ZFP62: variants seen among roughly 807,000 people sequenced by gnomAD.
ZFP62 encodes the protein ZFP62 zinc finger protein.
A neutral mutation model predicts 56.4 loss-of-function variants in ZFP62; 44 were observed. The ratio of observed to expected loss-of-function variants is 0.78; its 90% CI spans 0.61 to 1.00. The LOEUF (loss-of-function observed/expected upper bound fraction) is 1.00. Ranked by LOEUF, ZFP62 falls within the 50% of genes least tolerant of loss-of-function variation. The pLI, the probability that ZFP62 is intolerant of heterozygous loss-of-function variation, is 0.00. For missense variants in ZFP62, 1,030 were observed against 1,085.7 expected (o/e 0.95, Z 0.72); for synonymous variants, 421 against 388.9 (o/e 1.08, Z -0.97).
the ZFP62 span, chr5:180,831,294 G>C: frequency 6.6e-6 from 1 of 152,418 alleles, no homozygotes; most frequent in Non-Finnish European, 1.5e-5. Flanking sequence ...CTCCGGCCCC[G>C]GCACGTCCCG....
rs1397529781 is a variant in ZFP62 at position 180,861,221 on chromosome 5, G to A, written c.-2C>T. 3 of 398,102 alleles carry A rather than the reference G, an allele frequency of 7.5e-6. No individual in the cohort carries two copies. The highest frequency in any genetic ancestry group is 6.2e-5 in the African/African-American group (3 of 48,610). 24.7% of individuals were successfully genotyped at this position (398,102 alleles called of 1,614,324 possible). ...CGGGCGGCCGCGGACTCACGTACTG[G>A]CTGTGGCGGCGCCGCGGGAACCCGG... On this transcript the variant is annotated splice_region_variant and 5_prime_UTR_variant, in exon 1 of 2. Coordinates refer to ENST00000502412, the MANE Select transcript of ZFP62 (RefSeq NM_001172638.2).
At chr5:180,837,209 T>C in the ZFP62 span, among the ~76,000 whole-genome samples, 2 of 152,226 alleles carry the variant, frequency 1.3e-5, 1 homozygote, top group Middle Eastern at 6.3e-3. Flanking sequence ...GAGACCACCG[T>C]GTGGCCCATC....
In ZFP62 at chr5:180,850,492, T is replaced by C. The variant is rs1225284245; in HGVS notation, c.1003A>G (p.Lys335Glu). Reference protein sequence around the residue: ...LNHKSIHFGDKPYKCDECEKS... With the variant: ...LNHKSIHFGDEPYKCDECEKS... ...TCACACTCATCACATTTATAGGGTT[T>C]ATCTCCAAAGTGGATGCTTTTATGG... The change falls in exon 2 of 2, where the codon AAA becomes GAA. Residue 335 changes from lysine to glutamate, a missense_variant. Lys to Glu is a moderately conservative substitution (Grantham distance 56). Transcript: ENST00000502412. 1 of 1,552,676 alleles carries C rather than the reference T, an allele frequency of 6.4e-7. No individual in the cohort carries two copies. Among genetic ancestry groups the C allele is most frequent in the Admixed American group, 2.0e-5 (1 of 51,024 alleles).
In ZFP62 at chr5:180,848,775, T is replaced by G; in HGVS notation, c.*17A>C. ...TTCTTCCATTTGAGTTCGGAGAGACTTGGTAAGCTCTGCCTGCTACAGAGG... is the reference window on the plus strand; with the variant it reads ...TTCTTCCATTTGAGTTCGGAGAGACGTGGTAAGCTCTGCCTGCTACAGAGG... On this transcript the variant is annotated 3_prime_UTR_variant, in exon 2 of 2. Transcript: ENST00000502412. 1 of 1,490,200 alleles carries G rather than the reference T, an allele frequency of 6.7e-7. No individual in the cohort carries two copies. The highest frequency in any genetic ancestry group is 8.9e-7 in the Non-Finnish European group (1 of 1,117,486). 92.3% of individuals were successfully genotyped at this position (1,490,200 alleles called of 1,614,324 possible).
chr5:180,829,768 T>C, the ZFP62 span, among the ~76,000 whole-genome samples: 2 of 152,190 alleles, frequency 1.3e-5, no homozygotes, highest in Non-Finnish European at 2.9e-5. Context: ...GTTATACCTC[T>C]ATACCTCGGA....
chr5:180,854,672 G>A (rs1465868875), intron 1 of ZFP62, among the ~76,000 whole-genome samples: 1 of 152,160 alleles, frequency 6.6e-6, no homozygotes, highest in Non-Finnish European at 1.5e-5. Flanking sequence ...GACATAATAT[G>A]CTTTTAGTAG....
Position 180,848,030 on chromosome 5 carries a change from C to T in ZFP62, c.*762G>A. 1.0e-6 allele frequency: 1 copy of T among 985,418 alleles called. No homozygotes were observed. The highest frequency in any genetic ancestry group is 6.1e-5 in the Admixed American group (1 of 16,284). The allele number at this position is 985,418 out of a possible 1,614,324, so 61.0% of individuals were successfully genotyped here. A position where few individuals can be genotyped will look rare whatever the true frequency, so the allele number is the denominator to read the frequency against. On this transcript the variant is annotated 3_prime_UTR_variant, in exon 2 of 2. Transcript: ENST00000502412. The stretch of plus-strand genomic sequence containing the variant: ...GTAGCATAATGTGTGAATACCACTT[C>T]CAGGTTATCCCTCATCACAAATTCA...
rs145186799 is a variant in ZFP62 at position 180,857,647 on chromosome 5, G to A, written c.1+3572C>T. Among the ~76,000 whole-genome samples, 1,305 of 152,178 alleles carry A rather than the reference G, an allele frequency of 8.6e-3. 13 individuals carry two copies. The highest frequency in any genetic ancestry group is 0.013 in the Non-Finnish European group (906 of 67,988). ...CGAGTAGCTGGGATTACAGGTATGTGCCACCATGCTCAGCTAATTTTTATA... is the reference window on the plus strand; with the variant it reads ...CGAGTAGCTGGGATTACAGGTATGTACCACCATGCTCAGCTAATTTTTATA... On this transcript the variant is annotated intron_variant, in intron 1 of 1. Transcript: ENST00000502412.
rs1471088282 is a variant in ZFP62 at position 180,849,279 on chromosome 5, C to T, written c.2216G>A (p.Ser739Asn). The part of the protein sequence containing the change: ...FKCVECGKSF[S>N]YSSLLSQHKR... ...GTGCTGAGAAAGGAGAGAGCTGTAA[C>T]TGAAAGATTTCCCACACTCAACACA... The change falls in exon 2 of 2, where the codon AGT (serine) becomes AAT (asparagine). Residue 739 changes from serine to asparagine, a missense_variant. Physicochemically the swap from Ser to Asn is conservative, Grantham distance 46. Transcript: ENST00000502412. 1.9e-6 allele frequency: 3 copies of T among 1,553,032 alleles called. No homozygotes were observed. Among genetic ancestry groups the T allele is most frequent in the Admixed American group, 3.9e-5 (2 of 51,030 alleles).
chr5:180,847,667 G>A lies in ZFP62; in HGVS notation c.*1125C>T, dbSNP rs1013128519. 99 of 985,440 alleles carry A rather than the reference G, an allele frequency of 1.0e-4. No individual in the cohort carries two copies. Among genetic ancestry groups the A allele is most frequent in the Non-Finnish European group, 3.1e-5 (26 of 829,932 alleles). 61.0% of individuals were successfully genotyped at this position (985,440 alleles called of 1,614,324 possible). A position where few individuals can be genotyped will look rare whatever the true frequency, so the allele number is the denominator to read the frequency against. On this transcript the variant is annotated 3_prime_UTR_variant, in exon 2 of 2. Transcript: ENST00000502412. ...CCACTTTACCTCGCCACAAGGAGCTGGCTTTCATGACAAAGAGAGAGTGAG... is the reference window on the plus strand; with the variant it reads ...CCACTTTACCTCGCCACAAGGAGCTAGCTTTCATGACAAAGAGAGAGTGAG...
At chr5:180,828,486 G>C in the ZFP62 span, among the ~76,000 whole-genome samples, 2 of 152,162 alleles carry the variant, frequency 1.3e-5, no homozygotes, top group African/African-American at 2.4e-5. Flanking sequence ...TGTGGCAGAA[G>C]AACATAAATT....
At chr5:180,834,423 T>C in the ZFP62 span, 1 of 152,244 alleles carries the variant, frequency 6.6e-6, no homozygotes, top group Non-Finnish European at 1.5e-5. Flanking sequence ...TTCTAACACA[T>C]GAATGTTGGG....
Position 180,850,947 on chromosome 5 carries a change from C to A in ZFP62, c.548G>T (p.Ser183Ile). ...DCGGTFRSSS[S>I]LRVHKRIHTG... ...GTGGATCCGTTTGTGGACCCGAAGG[C>A]TCGAGCTGCTCCGGAAAGTCCCTCC... Residue 183 changes from serine to isoleucine, a missense_variant, in exon 2 of 2, where the codon AGC becomes ATC. Ser to Ile is a moderately radical substitution (Grantham distance 142). Coordinates refer to ENST00000502412, the MANE Select transcript of ZFP62 (RefSeq NM_001172638.2). 6.4e-7 allele frequency: 1 copy of A among 1,555,538 alleles called. No individual in the cohort carries two copies. The highest frequency in any genetic ancestry group is 8.7e-7 in the Non-Finnish European group (1 of 1,149,730).
rs1773540864 is a variant in ZFP62 at position 180,849,184 on chromosome 5, C to T, written c.2311G>A (p.Gly771Ser). The T allele has an allele frequency of 1.3e-6, 2 of 1,560,892 alleles. No individual in the cohort carries two copies. Among genetic ancestry groups the T allele is most frequent in the African/African-American group, 2.7e-5 (2 of 72,920 alleles). ...TGGATCCTTTTATGCACTGTGAGGCCTGAGCTGTTCCTGAAGGCCTTCCCA... is the reference window on the plus strand; with the variant it reads ...TGGATCCTTTTATGCACTGTGAGGCTTGAGCTGTTCCTGAAGGCCTTCCCA... ...RCGKAFRNSS[G>S]LTVHKRIHTG... The change falls in exon 2 of 2, where the codon GGC becomes AGC. Residue 771 changes from glycine (G) to serine (S), a missense_variant. Gly to Ser is a moderately conservative substitution (Grantham distance 56). Transcript: ENST00000502412.
chr5:180,840,070 G>A, the ZFP62 span, among the ~76,000 whole-genome samples: 1 of 152,204 alleles, frequency 6.6e-6, no homozygotes. Context: ...CCAGAGAGGC[G>A]AGCTGAGGAT....
Position 180,849,682 on chromosome 5 carries a change from T to C in ZFP62, c.1813A>G (p.Thr605Ala). 6.4e-7 allele frequency: 1 copy of C among 1,551,852 alleles called. No homozygotes were observed. The highest frequency in any genetic ancestry group is 8.7e-7 in the Non-Finnish European group (1 of 1,147,026). Residue 605 changes from threonine to alanine, a missense_variant, in exon 2 of 2, where the codon ACA becomes GCA. Thr to Ala is a moderately conservative substitution (Grantham distance 58). Transcript: ENST00000502412. ...CCAAGATGAACTTTTTTGTGGTTTG[T>C]AAGGGTTCGGTATGTGATGAAGGCC... ...EKAFITYRTL[T>A]NHKKVHLGEK...
chr5:180,848,360 T>C lies in ZFP62; in HGVS notation c.*432A>G. 1 of 988,878 alleles carries C rather than the reference T, an allele frequency of 1.0e-6. No individual in the cohort carries two copies. The highest frequency in any genetic ancestry group is 1.2e-6 in the Non-Finnish European group (1 of 832,302). The allele number at this position is 988,878 out of a possible 1,614,324, so 61.3% of individuals were successfully genotyped here. ...GAATTTGCCTGTTGGAGGCCCTTAG[T>C]TTTCCCACTGACCAATGTGTAATTG... On this transcript the variant is annotated 3_prime_UTR_variant, in exon 2 of 2. Coordinates refer to ENST00000502412, the MANE Select transcript of ZFP62 (RefSeq NM_001172638.2).
intron 1 of ZFP62, 135 bp downstream of exon 1, chr5:180,861,084 A>G: frequency 2.5e-6 from 1 of 396,776 alleles, no homozygotes; most frequent in Non-Finnish European, 4.4e-6. Context: ...CCACTGAGAC[A>G]TGTGCGGGGA....
At chr5:180,838,621 G>A in the ZFP62 span, among the ~76,000 whole-genome samples, 3 of 152,232 alleles carry the variant, frequency 2.0e-5, no homozygotes, top group African/African-American at 4.8e-5. Context: ...GAGGTGATGG[G>A]GCATCATATC....
Sources: allele counts gnomAD v4.1 joint callset (sites outside exome capture counted in the v4.1 genomes callset), GRCh38; gene constraint gnomAD v4.1.1; transcripts MANE v1.5; gene names NCBI Gene and HGNC (gene_info 2026-07-23, HGNC 2026-07-21).